Variants in SLC44A5 observed in about 807,000 individuals in gnomAD.
SLC44A5 encodes the protein solute carrier family 44 member 5.
A neutral mutation model predicts 101.8 loss-of-function variants in SLC44A5; 57 were observed. That is an observed-to-expected ratio of 0.56 (90% confidence interval 0.45 to 0.70). SLC44A5 has a LOEUF of 0.70. SLC44A5 is among the 30% of genes least tolerant of loss of function. The pLI is 0.00. For synonymous variants in SLC44A5, 281 were observed against 290.9 expected (o/e 0.97, Z 0.35); for missense variants, 737 against 853.1 (o/e 0.86, Z 1.70).
chr1:75,621,110 T>C, the SLC44A5 span, among the ~76,000 whole-genome samples: 4 of 152,166 alleles, frequency 2.6e-5, no homozygotes. Context: ...GTAAATGAAA[T>C]ACTTTTTAAG....
chr1:75,445,878 C>T (rs533161408), intron 2 of SLC44A5, among the ~76,000 whole-genome samples: 7 of 152,214 alleles, frequency 4.6e-5, no homozygotes, highest in South Asian at 2.1e-4. Context: ...ATTCAGTCTT[C>T]GACAGTTCAG....
chr1:75,533,191 AC>A, intron 2 of SLC44A5, among the ~76,000 whole-genome samples: 1 of 152,300 alleles, frequency 6.6e-6, no homozygotes, highest in Non-Finnish European at 1.5e-5. Flanking sequence ...CTGAATGTCT[AC>A]ATTGTTTACT....
chr1:75,497,706 T>C (rs1668748137), intron 2 of SLC44A5, among the ~76,000 whole-genome samples: 1 of 152,164 alleles, frequency 6.6e-6, no homozygotes, highest in Non-Finnish European at 1.5e-5. Flanking sequence ...CAGTTTGTAG[T>C]AATCAGTTTC....
chr1:75,578,974 T>C (rs983582319), intron 1 of SLC44A5, among the ~76,000 whole-genome samples: 1 of 152,172 alleles, frequency 6.6e-6, no homozygotes, highest in African/African-American at 2.4e-5. Context: ...GCATACATAA[T>C]CTACCATATG....
the SLC44A5 span, among the ~76,000 whole-genome samples, chr1:75,691,698 G>C: frequency 2.0e-5 from 3 of 152,208 alleles, no homozygotes; most frequent in Non-Finnish European, 4.4e-5. Context: ...GGGAGGCTAA[G>C]AAATACAAGA....
At chr1:75,501,611 A>G (rs957750055) in intron 2 of SLC44A5, among the ~76,000 whole-genome samples, 17 of 152,192 alleles carry the variant, frequency 1.1e-4, no homozygotes, top group African/African-American at 4.1e-4. Flanking sequence ...TGAAAGAAAC[A>G]TGATCAAGTA....
At chr1:75,251,831 GAA>G (rs2100649482) in intron 6 of SLC44A5, among the ~76,000 whole-genome samples, 1 of 152,256 alleles carries the variant, frequency 6.6e-6, no homozygotes, top group South Asian at 2.1e-4. Context: ...TCTCTCTGCT[GAA>G]AATTATAGCC....
At chr1:75,358,386 G>T (rs2101102307) in intron 3 of SLC44A5, among the ~76,000 whole-genome samples, 1 of 152,102 alleles carries the variant, frequency 6.6e-6, no homozygotes, top group East Asian at 1.9e-4. Context: ...ACTCAATTTG[G>T]TATGTTAGTC....
At chr1:75,274,179 G>GTT (rs376382281) in intron 6 of SLC44A5, among the ~76,000 whole-genome samples, 15 of 147,394 alleles carry the variant, frequency 1.0e-4, no homozygotes, top group African/African-American at 3.7e-4. Context: ...TTGCTTTGGG[G>GTT]TTTTTTTTTT....
rs192272531 is a variant in SLC44A5, at chr1:75,419,409, C to T, written c.14-22788G>A. 1.8e-3 allele frequency among the ~76,000 whole-genome samples: 272 copies of T among 150,580 alleles called. 2 individuals carry two copies. Among genetic ancestry groups the T allele is most frequent in the Non-Finnish European group, 1.3e-3 (87 of 67,756 alleles). On this transcript the variant is annotated intron_variant, in intron 2 of 23. Coordinates refer to ENST00000370859, the MANE Select transcript of SLC44A5 (RefSeq NM_001130058.2). ...GAGAAAGAAAGATAAGAATGAATGACGGTAGACTGCTCATCAGAAAACTAA... is the reference window on the plus strand; with the variant it reads ...GAGAAAGAAAGATAAGAATGAATGATGGTAGACTGCTCATCAGAAAACTAA...
chr1:75,358,432 T>G (rs1040429388), intron 3 of SLC44A5, among the ~76,000 whole-genome samples: 3 of 152,188 alleles, frequency 2.0e-5, no homozygotes, highest in African/African-American at 7.2e-5. Flanking sequence ...AAAACTTTTT[T>G]CTAGCTTTAT....
intron 3 of SLC44A5, chr1:75,354,096 G>T: frequency 3.8e-6 from 1 of 265,264 alleles, no homozygotes. Context: ...TTAGAACAAA[G>T]TTTCTATTTC....
At chr1:75,366,803 CT>C (rs1311999458) in intron 3 of SLC44A5, among the ~76,000 whole-genome samples, 7 of 152,118 alleles carry the variant, frequency 4.6e-5, no homozygotes, top group African/African-American at 1.7e-4. Context: ...ACTGAGTCTG[CT>C]GTTTATGCTC....
At chr1:75,405,978 G>GA (rs2101472740) in intron 2 of SLC44A5, among the ~76,000 whole-genome samples, 1 of 150,308 alleles carries the variant, frequency 6.7e-6, no homozygotes, top group South Asian at 2.1e-4. Flanking sequence ...GACTAATAAA[G>GA]AAAAAAAGAA....
chr1:75,589,103 C>G (rs917231190), intron 1 of SLC44A5, among the ~76,000 whole-genome samples: 3 of 152,148 alleles, frequency 2.0e-5, no homozygotes, highest in Admixed American at 6.5e-5. Flanking sequence ...CTCTCTTTCT[C>G]TCTCTCTCTC....
intron 2 of SLC44A5, among the ~76,000 whole-genome samples, chr1:75,509,122 G>T (rs906185492): frequency 6.6e-6 from 1 of 152,208 alleles, no homozygotes; most frequent in Non-Finnish European, 1.5e-5. Context: ...CATATCCACA[G>T]ACCATGCCCC....
chr1:75,348,042 A>G (rs1658380631), intron 3 of SLC44A5, among the ~76,000 whole-genome samples: 1 of 152,168 alleles, frequency 6.6e-6, no homozygotes, highest in African/African-American at 2.4e-5. Flanking sequence ...ATATTCTTCC[A>G]TGATGCCAGT....
intron 2 of SLC44A5, among the ~76,000 whole-genome samples, chr1:75,432,847 G>A (rs1174433867): frequency 6.6e-6 from 1 of 152,032 alleles, no homozygotes; most frequent in Non-Finnish European, 1.5e-5. Flanking sequence ...AAGCCACAAA[G>A]AAAGCCACTT....
intron 2 of SLC44A5, among the ~76,000 whole-genome samples, chr1:75,462,733 GC>G (rs1202444887): frequency 2.0e-5 from 3 of 152,034 alleles, no homozygotes; most frequent in Non-Finnish European, 2.9e-5. Flanking sequence ...GCTGAAAAGT[GC>G]AATTGACATA....
Sources: gnomAD v4.1 joint callset for allele counts (sites outside exome capture counted in the v4.1 genomes callset) on GRCh38, gnomAD v4.1.1 for gene constraint, MANE v1.5 for transcripts, NCBI Gene and HGNC (gene_info 2026-07-23, HGNC 2026-07-21) for gene names.